Variants in PFKFB2 observed in about 807,000 individuals in gnomAD.
PFKFB2 encodes the protein 6-phosphofructo-2-kinase/fructose-2,6-bisphosphatase 2.
Under a neutral mutation model 68.0 loss-of-function variants are expected in PFKFB2, and 53 were observed. The ratio of observed to expected loss-of-function variants is 0.78; its 90% confidence interval spans 0.63 to 0.98. The LOEUF is 0.98. Among genes scored for constraint, PFKFB2 ranks in the 50% least tolerant of loss-of-function variants. PFKFB2 has a pLI of 0.00. For missense variants in PFKFB2, 451 were observed against 642.0 expected, an observed-to-expected ratio of 0.70 and a Z score of 3.22; for synonymous variants, 222 against 227.6, an observed-to-expected ratio of 0.98 and a Z score of 0.22.
downstream of PFKFB2, chr1:207,079,413 A>G: frequency 4.1e-6 from 1 of 241,768 alleles, no homozygotes. Context: ...TTCAAGTGAG[A>G]AGGTAAGAGC....
Position 207,061,101 on chromosome 1 carries a change from ATATATATC to A in PFKFB2, c.86-842_86-835del, listed in dbSNP as rs1364373912. ...TTTATATATCTTTATATATATCTTT[ATATATATC>A]TATATATCTTTATATATATCTTTAT... On this transcript the variant is annotated intron_variant, in intron 2 of 14. Coordinates refer to ENST00000367080, the MANE Select transcript of PFKFB2 (RefSeq NM_006212.2). Among the ~76,000 whole-genome samples the A allele has an allele frequency of 3.5e-3, 312 of 89,784 alleles. 4 individuals are homozygous for A. The highest frequency in any genetic ancestry group is 0.015 in the African/African-American group (246 of 16,882). The allele number at this position is 89,784 out of a possible 152,430, so 58.9% of individuals were successfully genotyped here. A position where few individuals can be genotyped will look rare whatever the true frequency, so the allele number is the denominator to read the frequency against.
In PFKFB2 at chr1:207,070,223, A is replaced by T. The variant is rs1157848474; in HGVS notation, c.1093-57A>T. 3.7e-6 allele frequency: 6 copies of T among 1,605,010 alleles called. No individual in the cohort carries two copies. In the East Asian group the frequency reaches 1.3e-4, roughly 36 times the overall value. On this transcript the variant is annotated intron_variant, in intron 11 of 14. Coordinates refer to ENST00000367080, the MANE Select transcript of PFKFB2 (RefSeq NM_006212.2). The surrounding 1 kb of genome is among the most constrained non-coding windows in gnomAD (Gnocchi z 4.2). ...CTTAGTCTCCAAGGTCCAGCCACTG[A>T]CTTGGCTGCCAGCTTGCACCTGGGC...
chr1:207,053,924 T>C (rs1682835110), intron 1 of PFKFB2, among the ~76,000 whole-genome samples: 1 of 110,570 alleles, frequency 9.0e-6, no homozygotes, highest in Non-Finnish European at 1.9e-5. Context: ...TTTTTTTTTT[T>C]GACAGAGTCT....
In PFKFB2 at chr1:207,054,739, G is replaced by C; in HGVS notation, c.22G>C (p.Glu8Gln). ...TGCCATGTCTGGGGCATCTTCCTCA[G>C]AACAGAACAACAACAGCTATGAAAC... MSGASSS[E>Q]QNNNSYETKT... Residue 8 changes from glutamate (E) to glutamine (Q), a missense_variant, in exon 2 of 15, where the codon GAA (glutamate) becomes CAA (glutamine). Glu to Gln is a conservative substitution (Grantham distance 29). Coordinates refer to ENST00000367080, the MANE Select transcript of PFKFB2 (RefSeq NM_006212.2). 1 of 1,613,694 alleles carries C rather than the reference G, an allele frequency of 6.2e-7. No individual in the cohort carries two copies. The highest frequency in any genetic ancestry group is 8.5e-7 in the Non-Finnish European group (1 of 1,179,788).
In PFKFB2 at chr1:207,074,734, G is replaced by GAA; in HGVS notation, c.*2363_*2364insAA. On this transcript the variant is annotated 3_prime_UTR_variant, in exon 15 of 15. Coordinates refer to ENST00000367080, the MANE Select transcript of PFKFB2 (RefSeq NM_006212.2). ...AAAGCTAAACAGAAGTAGAAGAAAA[G>GAA]GTCCTTGTCCAGAGGAAGGTTATTT... 1.0e-6 allele frequency: 1 copy of GAA among 985,406 alleles called. No homozygotes were observed. The allele number at this position is 985,406 out of a possible 1,614,324, so 61.0% of individuals were successfully genotyped here.
chr1:207,077,874 C>T (rs1422868447), downstream of PFKFB2: 1 of 876,508 alleles, frequency 1.1e-6, no homozygotes, highest in Non-Finnish European at 1.4e-6. Context: ...CCATCCCTTC[C>T]CCACCCCTAA....
upstream of PFKFB2, chr1:207,050,823 G>C (rs750013764): frequency 6.2e-7 from 1 of 1,613,084 alleles, no homozygotes; most frequent in Non-Finnish European, 8.5e-7. Context: ...TGGAGTTCCC[G>C]CACCCGGGTC....
chr1:207,070,703 T>G lies in PFKFB2; in HGVS notation c.1222+294T>G. On this transcript the variant is annotated intron_variant, in intron 12 of 14. Transcript: ENST00000367080. The surrounding 1 kb of genome is among the most constrained non-coding windows in gnomAD (Gnocchi z 4.2). ...GCAGCATCAGGACAGTGGTTGAATA[T>G]TCCCAGCCTGCCACGCTGCCTACTA... 3.0e-6 allele frequency: 1 copy of G among 331,618 alleles called. No individual in the cohort carries two copies. The allele number at this position is 331,618 out of a possible 1,614,324, so 20.5% of individuals were successfully genotyped here.
chr1:207,042,583 A>AAAAAAAAAAAATTT (rs1682502446), intron 2 of PFKFB2, among the ~76,000 whole-genome samples: 1 of 137,368 alleles, frequency 7.3e-6, no homozygotes, highest in African/African-American at 2.9e-5. Context: ...AAAAAAAAAG[A>AAAAAAAAAAAATTT]CTATTGCTTC....
chr1:207,053,904 A>G (rs993647359), intron 1 of PFKFB2, among the ~76,000 whole-genome samples: 2 of 97,894 alleles, frequency 2.0e-5, no homozygotes, highest in Non-Finnish European at 4.1e-5. Flanking sequence ...TTCATTTTTC[A>G]TTTTTTTTTT....
intron 2 of PFKFB2, among the ~76,000 whole-genome samples, chr1:207,055,857 C>T (rs1434434997): frequency 2.0e-5 from 3 of 152,148 alleles, no homozygotes; most frequent in Non-Finnish European, 4.4e-5. Flanking sequence ...AAGCAGCTGG[C>T]TGGATGTGAT....
At position 207,062,640 on chromosome 1, in the gene PFKFB2, C is replaced by T. The variant is rs766636539; in HGVS notation, c.232C>T (p.Arg78Trp). 4.3e-6 allele frequency: 7 copies of T among 1,614,008 alleles called. No individual in the cohort carries two copies. The highest frequency in any genetic ancestry group is 2.2e-5 in the East Asian group (1 of 44,878). ...PTKVFNLGVY[R>W]REAVKSYKSY... is the part of the protein sequence containing the mutation. ...TACAGTGTTTAATCTTGGGGTGTAT[C>T]GGCGTGAAGCAGTCAAGTCCTATAA... The change falls in exon 4 of 15, where the codon CGG becomes TGG. Residue 78 changes from arginine (R) to tryptophan (W), a missense_variant. By Grantham distance (101) the Arg-to-Trp change is moderately radical. Coordinates refer to ENST00000367080, the MANE Select transcript of PFKFB2 (RefSeq NM_006212.2).
At position 207,071,513 on chromosome 1, in the gene PFKFB2, C is replaced by A; in HGVS notation, c.1290C>A (p.Cys430Ter). The A allele has an allele frequency of 1.2e-6, 2 of 1,612,900 alleles. No individual in the cohort carries two copies. Among genetic ancestry groups the A allele is most frequent in the Non-Finnish European group, 1.7e-6 (2 of 1,178,932 alleles). ...IFKLTPVAYG[C>*]KVETIKLNVE... ...CTCTTTCCTCTGTTTTCTCAGGGTGCAAAGTGGAAACAATTAAACTTAACG... is the reference window on the plus strand; with the variant it reads ...CTCTTTCCTCTGTTTTCTCAGGGTGAAAAGTGGAAACAATTAAACTTAACG... Residue 430 changes from cysteine to a stop codon, truncating the protein, a stop_gained, in exon 14 of 15, where the codon TGC becomes TGA. Coordinates refer to ENST00000367080, the MANE Select transcript of PFKFB2 (RefSeq NM_006212.2). LOFTEE classifies it high-confidence loss of function.
chr1:207,043,145 G>C (rs1211322737), intron 2 of PFKFB2, among the ~76,000 whole-genome samples: 3 of 151,900 alleles, frequency 2.0e-5, no homozygotes, highest in African/African-American at 7.3e-5. Context: ...CCCAGGTAAT[G>C]TGATGACCAA....
chr1:207,069,566 C>A, intron 11 of PFKFB2, 38 bp downstream of exon 11: 1 of 1,299,330 alleles, frequency 7.7e-7, no homozygotes, highest in Non-Finnish European at 1.1e-6. Context: ...CTGCCTAGAC[C>A]CTTGCTGAGT....
At chr1:207,050,730 T>G, upstream of PFKFB2, 1 of 1,613,338 alleles carries the variant, frequency 6.2e-7, no homozygotes, top group Non-Finnish European at 8.5e-7. Context: ...TCCCCATTGC[T>G]GAGATCCAGG....
At chr1:207,048,199 A>G (rs1364744721) in intron 2 of PFKFB2, 1 of 152,668 alleles carries the variant, frequency 6.6e-6, no homozygotes, top group Non-Finnish European at 1.5e-5. Flanking sequence ...ATTGCATTAA[A>G]ACACGAGGCC....
downstream of PFKFB2, among the ~76,000 whole-genome samples, chr1:207,078,410 G>GTCT (rs1683685505): frequency 6.6e-6 from 1 of 152,184 alleles, no homozygotes; most frequent in Non-Finnish European, 1.5e-5. Context: ...ACGACCAGGT[G>GTCT]ATTCATATGC....
At chr1:207,052,129 C>T, upstream of PFKFB2, 4 of 1,539,436 alleles carry the variant, frequency 2.6e-6, no homozygotes, top group Non-Finnish European at 3.6e-6. Context: ...TATCAAGCAT[C>T]AAACGGGCCC....
Sources: gnomAD v4.1 joint callset for allele counts (sites outside exome capture counted in the v4.1 genomes callset) on GRCh38, gnomAD v4.1.1 for gene constraint, Gnocchi (gnomAD v3.1) non-coding constraint, MANE v1.5 for transcripts, NCBI Gene and HGNC (gene_info 2026-07-23, HGNC 2026-07-21) for gene names.